Variants in ZBTB20 observed in about 807,000 individuals in gnomAD.
ZBTB20 encodes zinc finger and BTB domain containing 20.
ZBTB20 carries 9 observed loss-of-function variants against 56.9 expected under a neutral mutation model. The observed-to-expected ratio is 0.16, with a 90% CI of 0.10 to 0.28. The LOEUF is 0.28. Ranked by LOEUF, ZBTB20 falls within the 10% of genes least tolerant of loss-of-function variation. The pLI, the probability that ZBTB20 is intolerant of heterozygous loss-of-function variation, is 1.00. For synonymous variants in ZBTB20, 417 were observed against 420.7 expected, an observed-to-expected ratio of 0.99 and a Z score of 0.11; for missense variants, 655 against 1,003.0, an observed-to-expected ratio of 0.65 and a Z score of 4.69.
intron 3 of ZBTB20, among the ~76,000 whole-genome samples, chr3:114,909,897 G>C (rs7639037): frequency 0.39 from 59,542 of 151,660 alleles, 12,991 homozygotes; most frequent in East Asian, 0.78. Flanking sequence ...TTACAAAAAA[G>C]TAAAACCAAA....
At chr3:114,533,020 C>A (rs2048041145) in intron 6 of ZBTB20, among the ~76,000 whole-genome samples, 1 of 152,062 alleles carries the variant, frequency 6.6e-6, no homozygotes, top group Non-Finnish European at 1.5e-5. Flanking sequence ...TAGATAAATC[C>A]ACAAAGATGA....
chr3:114,853,116 T>C (rs995398520), intron 4 of ZBTB20, among the ~76,000 whole-genome samples: 1 of 152,228 alleles, frequency 6.6e-6, no homozygotes, highest in Non-Finnish European at 1.5e-5. Context: ...TTGCCACCCA[T>C]GCATCCTGCT....
At chr3:115,109,133 G>A (rs1421887249) in intron 1 of ZBTB20, among the ~76,000 whole-genome samples, 1 of 152,062 alleles carries the variant, frequency 6.6e-6, no homozygotes, top group Admixed American at 6.5e-5. Flanking sequence ...TCTGCTGCCT[G>A]GTCAATCCTC....
In ZBTB20 at chr3:114,828,451, T is replaced by G. The variant is rs140568510; in HGVS notation, c.-416-27277A>C. On this transcript the variant is annotated intron_variant, in intron 4 of 11. Coordinates refer to ENST00000675478, the MANE Select transcript of ZBTB20 (RefSeq NM_001348800.3). Reference sequence around the variant, plus strand: ...AATCGCTTTTTATATACTTTCCATTTTTGCTACGTTTTTAAGAGAAAATGA... The same window carrying G: ...AATCGCTTTTTATATACTTTCCATTGTTGCTACGTTTTTAAGAGAAAATGA... 1.7e-3 allele frequency among the ~76,000 whole-genome samples: 255 copies of G among 151,988 alleles called. 2 individuals carry two copies. Among genetic ancestry groups the G allele is most frequent in the African/African-American group, 5.9e-3 (246 of 41,546 alleles).
intron 5 of ZBTB20, among the ~76,000 whole-genome samples, chr3:114,797,762 C>T (rs2071424615): frequency 6.6e-6 from 1 of 151,772 alleles, no homozygotes; most frequent in Non-Finnish European, 1.5e-5. Flanking sequence ...TCTCTATATG[C>T]CAAAGCTTCC....
At chr3:114,370,215 C>G (rs2082851058) in intron 10 of ZBTB20, among the ~76,000 whole-genome samples, 1 of 152,146 alleles carries the variant, frequency 6.6e-6, no homozygotes, top group Admixed American at 6.6e-5. Flanking sequence ...CTATAATGGG[C>G]TAGGAACTCT....
Position 114,541,137 on chromosome 3 carries a change from T to G in ZBTB20, c.-294-40746A>C, listed in dbSNP as rs187306587. Among the ~76,000 whole-genome samples the G allele has an allele frequency of 1.5e-3, 229 of 152,212 alleles. 1 individual carries two copies. The highest frequency in any genetic ancestry group is 5.3e-3 in the African/African-American group (220 of 41,552). ...CAGGTTAAATGCCCTTTTGATTATT[T>G]TAGCAAAAAATAATACAAAAAATTG... On this transcript the variant is annotated intron_variant, in intron 6 of 11. Coordinates refer to ENST00000675478, the MANE Select transcript of ZBTB20 (RefSeq NM_001348800.3).
chr3:114,443,745 T>C (rs1330964974), intron 7 of ZBTB20, among the ~76,000 whole-genome samples: 1 of 152,100 alleles, frequency 6.6e-6, no homozygotes, highest in East Asian at 1.9e-4. Context: ...ATAACAACAA[T>C]GATGAGTGAT....
At position 114,991,792 on chromosome 3, in the gene ZBTB20, A is replaced by G. The variant is rs554948602; in HGVS notation, c.-506-17376T>C. Among the ~76,000 whole-genome samples the G allele has an allele frequency of 5.9e-5, 9 of 152,086 alleles. No homozygotes were observed. The South Asian group carries it at 1.9e-3, about 32-fold the overall frequency. Reference sequence around the variant, plus strand: ...GCTTTATGAATCTGGGTGCTCCTGTATTGGGTGCATATATATTTAGGATAG... The same window carrying G: ...GCTTTATGAATCTGGGTGCTCCTGTGTTGGGTGCATATATATTTAGGATAG... On this transcript the variant is annotated intron_variant, in intron 2 of 11. Transcript: ENST00000675478.
At chr3:114,396,947 G>T (rs957638456) in intron 7 of ZBTB20, among the ~76,000 whole-genome samples, 1 of 151,952 alleles carries the variant, frequency 6.6e-6, no homozygotes, top group South Asian at 2.1e-4. Context: ...TCCACACCCA[G>T]CTATTGAACT....
intron 2 of ZBTB20, among the ~76,000 whole-genome samples, chr3:115,018,444 A>G (rs2080068582): frequency 1.3e-5 from 2 of 151,498 alleles, no homozygotes. Context: ...AAATATGATT[A>G]TTTCCATCTT....
intron 2 of ZBTB20, among the ~76,000 whole-genome samples, chr3:115,064,443 C>CTTTTTTTTTTTTTTTTTTT (rs34098178): frequency 1.3e-5 from 1 of 78,044 alleles, no homozygotes; most frequent in Non-Finnish European, 2.3e-5. Context: ...TCTCATAATT[C>CTTTTTTTTTTTTTTTTTTT]TTTTTTTTTT....
In ZBTB20 at chr3:114,813,691, C is replaced by T. The variant is rs1429637221; in HGVS notation, c.-416-12517G>A. On this transcript the variant is annotated intron_variant, in intron 4 of 11. Coordinates refer to ENST00000675478, the MANE Select transcript of ZBTB20 (RefSeq NM_001348800.3). The stretch of plus-strand genomic sequence containing the variant: ...GCTTGAGCCTGGGAGGCGGAGGTTG[C>T]AGTGAGTCAAGATGGCACCACTGCA... Among the ~76,000 whole-genome samples, 4 of 152,178 alleles carry T rather than the reference C, an allele frequency of 2.6e-5. No homozygotes were observed. The East Asian group carries it at 5.8e-4, about 22-fold the overall frequency.
chr3:114,636,550 A>C (rs951635087), intron 6 of ZBTB20, among the ~76,000 whole-genome samples: 1 of 152,118 alleles, frequency 6.6e-6, no homozygotes, highest in African/African-American at 2.4e-5. Flanking sequence ...ATATAGGAGA[A>C]GTAAAAGAGT....
intron 1 of ZBTB20, among the ~76,000 whole-genome samples, chr3:115,079,777 C>T (rs758462411): frequency 1.1e-4 from 16 of 152,148 alleles, no homozygotes; most frequent in Non-Finnish European, 2.1e-4. Flanking sequence ...CGTAAAAACC[C>T]TGATATGCTA....
intron 10 of ZBTB20, among the ~76,000 whole-genome samples, chr3:114,371,760 C>T (rs774760083): frequency 3.3e-5 from 5 of 152,130 alleles, no homozygotes; most frequent in East Asian, 1.9e-4. Flanking sequence ...GGGAAACTTT[C>T]GTTATAACAC....
intron 7 of ZBTB20, among the ~76,000 whole-genome samples, chr3:114,479,979 T>C (rs2041344035): frequency 6.6e-6 from 1 of 152,252 alleles, no homozygotes; most frequent in African/African-American, 2.4e-5. Flanking sequence ...GGTACAATGA[T>C]GTTCTCAACC....
At chr3:115,079,716 G>A (rs1221120316) in intron 1 of ZBTB20, among the ~76,000 whole-genome samples, 3 of 152,034 alleles carry the variant, frequency 2.0e-5, no homozygotes, top group African/African-American at 7.2e-5. Flanking sequence ...AATCACAAAT[G>A]TTTATCAAGA....
intron 2 of ZBTB20, among the ~76,000 whole-genome samples, chr3:115,024,280 G>A (rs2080324555): frequency 6.6e-6 from 1 of 150,962 alleles, no homozygotes; most frequent in Admixed American, 6.6e-5. Flanking sequence ...TATGGTAAGT[G>A]CTATTGATAG....
Sources: gnomAD v4.1 joint callset for allele counts (sites outside exome capture counted in the v4.1 genomes callset) on GRCh38, gnomAD v4.1.1 for gene constraint, MANE v1.5 for transcripts, NCBI Gene and HGNC (gene_info 2026-07-23, HGNC 2026-07-21) for gene names.